Variants in ZNF385B observed in about 807,000 individuals in gnomAD.
ZNF385B encodes zinc finger protein 385B.
In ZNF385B, 23 loss-of-function variants were observed where a neutral mutation model predicts 39.2. The ratio of observed to expected loss-of-function variants is 0.59; its 90% CI spans 0.42 to 0.83. ZNF385B has a LOEUF of 0.83. ZNF385B is among the 40% of genes least tolerant of loss of function. The pLI is 0.00. For missense variants in ZNF385B, 552 were observed against 598.9 expected, an observed-to-expected ratio of 0.92 and a Z score of 0.82; for synonymous variants, 205 against 222.6, an observed-to-expected ratio of 0.92 and a Z score of 0.70.
chr2:179,777,809 G>A lies in ZNF385B; in HGVS notation c.-154-7137C>T, dbSNP rs538255717. Among the ~76,000 whole-genome samples, 376 of 144,774 alleles carry A rather than the reference G, an allele frequency of 2.6e-3. 2 individuals are homozygous for A. The highest frequency in any genetic ancestry group is 9.1e-3 in the African/African-American group (355 of 39,192). 95.0% of individuals were successfully genotyped at this position (144,774 alleles called of 152,430 possible). On this transcript the variant is annotated intron_variant, in intron 1 of 9. Coordinates refer to ENST00000410066, the MANE Select transcript of ZNF385B (RefSeq NM_152520.6). ...TCTTTTTGGGATGGATGCTTGCTCC[G>A]CTGCCCAGGCTGGCAGGCAGTGGCA...
Position 179,769,781 on chromosome 2 carries a change from G to A in ZNF385B, c.20C>T (p.Pro7Leu). The A allele has an allele frequency of 1.9e-6, 3 of 1,611,962 alleles. No homozygotes were observed. Among genetic ancestry groups the A allele is most frequent in the East Asian group, 2.2e-5 (1 of 44,868 alleles). The change falls in exon 3 of 10, where the codon CCT (proline) becomes CTT (leucine). Residue 7 changes from proline to leucine, a missense_variant. Physicochemically the swap from Pro to Leu is moderately conservative, Grantham distance 98 (BLOSUM62 -3). Coordinates refer to ENST00000410066, the MANE Select transcript of ZNF385B (RefSeq NM_152520.6). MRYSLS[P>L]DNHLEDGIMN... ...GATTCCATCTTCAAGATGGTTGTCAGGGCTTAAGGAGTACCTCATGCCTGA... is the reference window on the plus strand; with the variant it reads ...GATTCCATCTTCAAGATGGTTGTCAAGGCTTAAGGAGTACCTCATGCCTGA...
intron 1 of ZNF385B, 177 bp downstream of exon 1, chr2:179,860,924 C>T (rs533590385): frequency 1.1e-5 from 2 of 176,866 alleles, no homozygotes; most frequent in African/African-American, 4.8e-5. Flanking sequence ...TGGGCGCCCT[C>T]CTCTACAAGT....
chr2:179,488,624 C>CT (rs543296712), intron 5 of ZNF385B, among the ~76,000 whole-genome samples: 1 of 151,728 alleles, frequency 6.6e-6, no homozygotes, highest in African/African-American at 2.4e-5. Context: ...TAGAACCAAC[C>CT]TTTTTTTGCA....
At chr2:179,768,912 G>T (rs1703855597) in intron 3 of ZNF385B, among the ~76,000 whole-genome samples, 1 of 152,220 alleles carries the variant, frequency 6.6e-6, no homozygotes, top group Non-Finnish European at 1.5e-5. Flanking sequence ...AGAGGCAAGT[G>T]AAAGCGATGG....
At chr2:179,741,025 A>G (rs184118594) in intron 3 of ZNF385B, among the ~76,000 whole-genome samples, 1 of 152,186 alleles carries the variant, frequency 6.6e-6, no homozygotes, top group East Asian at 1.9e-4. Context: ...CAAAGAAGAT[A>G]TGGTTTTGTA....
chr2:179,766,780 TTG>T (rs889805087), intron 3 of ZNF385B, among the ~76,000 whole-genome samples: 4 of 152,178 alleles, frequency 2.6e-5, no homozygotes, highest in Admixed American at 6.5e-5. Context: ...ATATATTTTT[TTG>T]TGTGTGTGTG....
At chr2:179,592,341 T>C (rs1021642595) in intron 3 of ZNF385B, among the ~76,000 whole-genome samples, 1 of 152,240 alleles carries the variant, frequency 6.6e-6, no homozygotes, top group African/African-American at 2.4e-5. Flanking sequence ...CTCATAAGTA[T>C]AGCACTGACC....
intron 5 of ZNF385B, among the ~76,000 whole-genome samples, chr2:179,498,446 C>T (rs2056447419): frequency 6.6e-6 from 1 of 151,894 alleles, no homozygotes; most frequent in East Asian, 1.9e-4. Flanking sequence ...ACTCATATAA[C>T]AAGCCTTAAA....
rs762392705 is a variant in ZNF385B, at chr2:179,769,570, C to A, written c.231G>T (p.Val77=). 3.7e-6 allele frequency: 6 copies of A among 1,614,072 alleles called. No homozygotes were observed. In the African/African-American group the frequency reaches 5.3e-5, roughly 14 times the overall value. ...HSNGKSHRKR[V]KQLSDGQPPP... ...GGGGCTGCCCATCACTCAGCTGCTT[C>A]ACTCGTTTGCGGTGGGATTTGCCGT... The change falls in exon 3 of 10, where the codon GTG becomes GTT. Residue 77 remains valine, a synonymous_variant. Coordinates refer to ENST00000410066, the MANE Select transcript of ZNF385B (RefSeq NM_152520.6).
chr2:179,590,626 C>T (rs1687474710), intron 3 of ZNF385B, among the ~76,000 whole-genome samples: 2 of 152,178 alleles, frequency 1.3e-5, no homozygotes, highest in Admixed American at 1.3e-4. Context: ...TCTGCATCCT[C>T]ACCCAAATCT....
intron 3 of ZNF385B, among the ~76,000 whole-genome samples, chr2:179,589,469 A>G (rs1687372078): frequency 6.6e-6 from 1 of 152,186 alleles, no homozygotes; most frequent in Non-Finnish European, 1.5e-5. Context: ...GGAGGGATGA[A>G]TTTATTTTTA....
At chr2:179,758,666 T>G (rs1703188982) in intron 3 of ZNF385B, among the ~76,000 whole-genome samples, 1 of 152,252 alleles carries the variant, frequency 6.6e-6, no homozygotes, top group South Asian at 2.1e-4. Context: ...AACACTGCTC[T>G]GTGACTGCTA....
At chr2:179,729,347 T>C (rs1322600697) in intron 3 of ZNF385B, among the ~76,000 whole-genome samples, 1 of 152,092 alleles carries the variant, frequency 6.6e-6, no homozygotes, top group Non-Finnish European at 1.5e-5. Flanking sequence ...GTGGACCCAA[T>C]CTAGTAGTAA....
At chr2:179,569,109 G>GA (rs1439125400) in intron 3 of ZNF385B, among the ~76,000 whole-genome samples, 1 of 152,110 alleles carries the variant, frequency 6.6e-6, no homozygotes, top group Non-Finnish European at 1.5e-5. Flanking sequence ...TCTAGATGAG[G>GA]AAACAGGGCA....
rs573536876 is a variant in ZNF385B at position 179,515,053 on chromosome 2, C to T, written c.552+3475G>A. On this transcript the variant is annotated intron_variant, in intron 5 of 9. Coordinates refer to ENST00000410066, the MANE Select transcript of ZNF385B (RefSeq NM_152520.6). ...TCGGCCTTCCAAAGTGCTGGGATTA[C>T]AGGCGTGAGCCATTGCACCCAGCCT... Among the ~76,000 whole-genome samples, 4 of 152,302 alleles carry T rather than the reference C, an allele frequency of 2.6e-5. No homozygotes were observed. The East Asian group carries it at 7.7e-4, about 29-fold the overall frequency.
intron 4 of ZNF385B, among the ~76,000 whole-genome samples, chr2:179,530,176 G>A (rs1366711490): frequency 6.6e-6 from 1 of 152,074 alleles, no homozygotes; most frequent in African/African-American, 2.4e-5. Context: ...TTTTTAAATA[G>A]TGACTTGAAA....
rs76996372 is a variant in ZNF385B, at chr2:179,809,161, G to A, written c.-154-38489C>T. 5.1e-4 allele frequency among the ~76,000 whole-genome samples: 77 copies of A among 152,220 alleles called. 1 individual carries two copies. The East Asian group carries it at 0.013, about 27-fold the overall frequency. On this transcript the variant is annotated intron_variant, in intron 1 of 9. Coordinates refer to ENST00000410066, the MANE Select transcript of ZNF385B (RefSeq NM_152520.6). ...CTTAGTATCCATGTATTAGTTTACTGGCCCCTTACTCTGTTCATTTATATT... is the reference window on the plus strand; with the variant it reads ...CTTAGTATCCATGTATTAGTTTACTAGCCCCTTACTCTGTTCATTTATATT...
At chr2:179,582,632 C>T (rs139351422) in intron 3 of ZNF385B, among the ~76,000 whole-genome samples, 52 of 152,220 alleles carry the variant, frequency 3.4e-4, no homozygotes, top group African/African-American at 9.9e-4. Flanking sequence ...CAAATGCATC[C>T]ACTATAGATA....
intron 7 of ZNF385B, among the ~76,000 whole-genome samples, chr2:179,446,248 T>G (rs2049460188): frequency 1.3e-5 from 2 of 152,176 alleles, no homozygotes; most frequent in African/African-American, 2.4e-5. Flanking sequence ...GCATAAATAT[T>G]TATCTTCATC....
Sources: gnomAD v4.1 joint callset for allele counts (sites outside exome capture counted in the v4.1 genomes callset) on GRCh38, gnomAD v4.1.1 for gene constraint, MANE v1.5 for transcripts, NCBI Gene and HGNC (gene_info 2026-07-23, HGNC 2026-07-21) for gene names.